The following PDE4B variants were observed in gnomAD, a reference collection of about 807,000 sequenced individuals.
The protein encoded by PDE4B is 3',5'-cyclic-AMP phosphodiesterase 4B.
In PDE4B, 20 loss-of-function variants were observed where a neutral mutation model predicts 82.2. The ratio of observed to expected loss-of-function variants is 0.24; its 90% CI spans 0.17 to 0.35. PDE4B has a LOEUF of 0.35. Among genes scored for constraint, PDE4B ranks in the 10% least tolerant of loss-of-function variants. The pLI is 1.00. For synonymous variants in PDE4B, 320 were observed against 318.9 expected, an observed-to-expected ratio of 1.00 and a Z score of -0.04; for missense variants, 655 against 907.2, an observed-to-expected ratio of 0.72 and a Z score of 3.57.
chr1:65,859,267 A>G (rs897958829), intron 1 of PDE4B, among the ~76,000 whole-genome samples: 2 of 150,996 alleles, frequency 1.3e-5, no homozygotes. Flanking sequence ...ACTGGTTTAC[A>G]TTTACATTGG....
At chr1:66,125,994 T>C (rs144068685) in intron 3 of PDE4B, among the ~76,000 whole-genome samples, 1,530 of 152,218 alleles carry the variant, frequency 0.01, 15 homozygotes, top group Non-Finnish European at 0.016. Context: ...TTAGTGGAGA[T>C]GGGGTTTCAC....
intron 3 of PDE4B, among the ~76,000 whole-genome samples, chr1:66,114,456 G>A (rs1433228620): frequency 6.6e-6 from 1 of 151,964 alleles, no homozygotes; most frequent in African/African-American, 2.4e-5. Context: ...TCAAATCCAA[G>A]AAAAGGCAGA....
At chr1:66,234,531 C>T (rs765115158) in intron 3 of PDE4B, among the ~76,000 whole-genome samples, 66 of 152,292 alleles carry the variant, frequency 4.3e-4, no homozygotes, top group Admixed American at 6.5e-4. Flanking sequence ...TCAGGTGATC[C>T]GCCTGGCTCA....
At chr1:66,059,669 G>T (rs973894039) in intron 3 of PDE4B, among the ~76,000 whole-genome samples, 1 of 152,076 alleles carries the variant, frequency 6.6e-6, no homozygotes, top group East Asian at 1.9e-4. Context: ...TGAGAATAAC[G>T]CAGAAAAGAC....
chr1:65,963,143 C>G (rs1431538856), intron 3 of PDE4B, among the ~76,000 whole-genome samples: 1 of 152,208 alleles, frequency 6.6e-6, no homozygotes, highest in Non-Finnish European at 1.5e-5. Context: ...TGGATGCATA[C>G]TGCCTTACCT....
At chr1:65,808,167 CA>C (rs1462095146) in intron 1 of PDE4B, among the ~76,000 whole-genome samples, 7 of 148,062 alleles carry the variant, frequency 4.7e-5, no homozygotes, top group Non-Finnish European at 1.0e-4. Context: ...GGTAGACAAA[CA>C]CTTTTTTTTT....
At chr1:66,023,280 CT>C (rs1653243749) in intron 3 of PDE4B, among the ~76,000 whole-genome samples, 1 of 152,106 alleles carries the variant, frequency 6.6e-6, no homozygotes, top group African/African-American at 2.4e-5. Flanking sequence ...CTGTTAAAAC[CT>C]TTTGGCCTTC....
chr1:65,818,861 G>A (rs868761313), intron 1 of PDE4B, among the ~76,000 whole-genome samples: 10 of 152,006 alleles, frequency 6.6e-5, no homozygotes, highest in African/African-American at 2.4e-4. Flanking sequence ...TGGACCATAA[G>A]CTCAACAAAG....
At chr1:65,953,984 C>T (rs566354781) in intron 3 of PDE4B, among the ~76,000 whole-genome samples, 5 of 152,138 alleles carry the variant, frequency 3.3e-5, no homozygotes, top group Admixed American at 6.5e-5. Context: ...CTGCAATCTC[C>T]ATCTCCCAGG....
chr1:66,227,233 T>A (rs1651525032), intron 3 of PDE4B, among the ~76,000 whole-genome samples: 1 of 152,218 alleles, frequency 6.6e-6, no homozygotes, highest in African/African-American at 2.4e-5. Flanking sequence ...TCCATTTACA[T>A]TACCCCTAAG....
At chr1:66,136,429 A>G (rs745949499) in intron 3 of PDE4B, among the ~76,000 whole-genome samples, 82 of 152,182 alleles carry the variant, frequency 5.4e-4, no homozygotes, top group Admixed American at 1.3e-4. Context: ...GGGGCAGGGC[A>G]CAGTGGCTCA....
At chr1:65,947,020 A>G (rs1172446663) in intron 3 of PDE4B, among the ~76,000 whole-genome samples, 3 of 152,050 alleles carry the variant, frequency 2.0e-5, no homozygotes, top group Non-Finnish European at 2.9e-5. Context: ...ATCTTCCTCT[A>G]GAACACACGT....
At chr1:66,202,975 G>A (rs1330041780) in intron 3 of PDE4B, among the ~76,000 whole-genome samples, 1 of 152,088 alleles carries the variant, frequency 6.6e-6, no homozygotes, top group African/African-American at 2.4e-5. Flanking sequence ...TGTTTTTGCA[G>A]TGGCTGATAC....
chr1:66,134,229 T>A (rs1478132112), intron 3 of PDE4B, among the ~76,000 whole-genome samples: 4 of 152,224 alleles, frequency 2.6e-5, no homozygotes, highest in African/African-American at 9.6e-5. Context: ...CTTAGGCAGA[T>A]AGTTACAAAG....
chr1:66,305,626 T>G (rs1377358874), intron 7 of PDE4B, among the ~76,000 whole-genome samples: 1 of 152,154 alleles, frequency 6.6e-6, no homozygotes, highest in Non-Finnish European at 1.5e-5. Flanking sequence ...TTTAAAGCTG[T>G]ACTGAGACAA....
At chr1:65,822,929 T>G (rs1645970664) in intron 1 of PDE4B, among the ~76,000 whole-genome samples, 1 of 152,088 alleles carries the variant, frequency 6.6e-6, no homozygotes, top group African/African-American at 2.4e-5. Flanking sequence ...CTGCTCAAGA[T>G]TTTTTTTCCA....
intron 3 of PDE4B, among the ~76,000 whole-genome samples, chr1:66,153,111 C>T (rs1646435739): frequency 6.6e-6 from 1 of 152,208 alleles, no homozygotes; most frequent in South Asian, 2.1e-4. Context: ...ATGCTTCCCT[C>T]TCCCACCTTG....
At chr1:65,998,884 G>A (rs1005086532) in intron 3 of PDE4B, among the ~76,000 whole-genome samples, 4 of 149,276 alleles carry the variant, frequency 2.7e-5, no homozygotes, top group African/African-American at 2.5e-5. Context: ...AAAAAAAAAA[G>A]CAGATATTAT....
intron 3 of PDE4B, among the ~76,000 whole-genome samples, chr1:66,041,820 A>ACG (rs1570063707): frequency 1.3e-5 from 1 of 74,268 alleles, no homozygotes; most frequent in East Asian, 4.5e-4. Flanking sequence ...ACACACACAC[A>ACG]CACACACATA....
Sources: gnomAD v4.1 joint callset for allele counts (sites outside exome capture counted in the v4.1 genomes callset) on GRCh38, gnomAD v4.1.1 for gene constraint, MANE v1.5 for transcripts, NCBI Gene and HGNC (gene_info 2026-07-23, HGNC 2026-07-21) for gene names.